The following LINC00305 variants were observed in gnomAD, a reference collection of about 807,000 sequenced individuals.
LINC00305 encodes the protein long intergenic non-protein coding RNA 305.
intron 1 of LINC00305, among the ~76,000 whole-genome samples, chr18:64,146,825 G>T (rs2051500460): frequency 6.6e-6 from 1 of 152,096 alleles, no homozygotes; most frequent in African/African-American, 2.4e-5. Flanking sequence ...AGGACCTAGG[G>T]TAAGAGGGGA....
chr18:64,142,779 C>T (rs2051470336), intron 1 of LINC00305, among the ~76,000 whole-genome samples: 1 of 152,066 alleles, frequency 6.6e-6, no homozygotes, highest in African/African-American at 2.4e-5. Context: ...GAACCTTCTC[C>T]ATGTAGTAGA....
intron 3 of LINC00305, among the ~76,000 whole-genome samples, chr18:64,096,235 T>C (rs190674080): frequency 1.2e-3 from 178 of 152,128 alleles, no homozygotes; most frequent in African/African-American, 4.1e-3. Flanking sequence ...TACTCTTAGA[T>C]ACAAAGACTC....
At chr18:64,136,161 T>A (rs2051432678) in intron 1 of LINC00305, among the ~76,000 whole-genome samples, 1 of 152,198 alleles carries the variant, frequency 6.6e-6, no homozygotes, top group African/African-American at 2.4e-5. Context: ...TTAACTGTAG[T>A]AATGCTAGTT....
chr18:64,085,539 G>A lies in LINC00305; in HGVS notation n.541-5137C>T, dbSNP rs1368484719. Among the ~76,000 whole-genome samples, 8 of 151,426 alleles carry A rather than the reference G, an allele frequency of 5.3e-5. No homozygotes were observed. In the South Asian group the frequency reaches 1.0e-3, roughly 20 times the overall value. The stretch of plus-strand genomic sequence containing the variant: ...GTGCAGTGGCACAATCTCGGCTCAC[G>A]GCAACCTCTGCCTCCCGGGTTCAAG... On this transcript the variant is annotated intron_variant and non_coding_transcript_variant, in intron 3 of 3. Coordinates refer to ENST00000666468, the Ensembl canonical transcript of LINC00305.
At chr18:64,133,807 C>T (rs1016275018) in intron 1 of LINC00305, among the ~76,000 whole-genome samples, 1 of 152,170 alleles carries the variant, frequency 6.6e-6, no homozygotes, top group Non-Finnish European at 1.5e-5. Context: ...TTCAACATGT[C>T]ATTTTCATGG....
intron 1 of LINC00305, among the ~76,000 whole-genome samples, chr18:64,138,970 G>A (rs2051448298): frequency 6.6e-6 from 1 of 152,126 alleles, no homozygotes; most frequent in Non-Finnish European, 1.5e-5. Flanking sequence ...GACGGTATCA[G>A]TAAAAACTGT....
At chr18:64,086,692 A>G (rs2051204902) in intron 3 of LINC00305, among the ~76,000 whole-genome samples, 1 of 152,228 alleles carries the variant, frequency 6.6e-6, no homozygotes, top group African/African-American at 2.4e-5. Flanking sequence ...GGCTTGTTTC[A>G]GGATGGAAGA....
intron 1 of LINC00305, among the ~76,000 whole-genome samples, chr18:64,102,101 G>T (rs142832476): frequency 6.6e-6 from 1 of 152,086 alleles, no homozygotes; most frequent in Non-Finnish European, 1.5e-5. Flanking sequence ...CCCAGTGACC[G>T]CTGTTCATAT....
chr18:64,110,523 C>G (rs1380363037), intron 1 of LINC00305, among the ~76,000 whole-genome samples: 1 of 152,104 alleles, frequency 6.6e-6, no homozygotes, highest in Non-Finnish European at 1.5e-5. Context: ...ATTGGAAAGA[C>G]TTTGGGGGTA....
At chr18:64,103,176 G>A (rs2051274579) in intron 1 of LINC00305, among the ~76,000 whole-genome samples, 1 of 152,144 alleles carries the variant, frequency 6.6e-6, no homozygotes, top group African/African-American at 2.4e-5. Flanking sequence ...TAAAATTGTA[G>A]TATATACATT....
chr18:64,117,281 C>G (rs2051341962), intron 1 of LINC00305, among the ~76,000 whole-genome samples: 1 of 152,180 alleles, frequency 6.6e-6, no homozygotes, highest in East Asian at 1.9e-4. Flanking sequence ...TAGACAGCAA[C>G]TAAGTGACCC....
At chr18:64,082,442 CA>C (rs2051188710) in intron 3 of LINC00305, among the ~76,000 whole-genome samples, 1 of 152,152 alleles carries the variant, frequency 6.6e-6, no homozygotes, top group Non-Finnish European at 1.5e-5. Context: ...ATTTGAGTAA[CA>C]AAACTCCAGT....
rs548023533 is a variant in LINC00305 at position 64,088,508 on chromosome 18, G to T, written n.541-8106C>A. On this transcript the variant is annotated intron_variant and non_coding_transcript_variant, in intron 3 of 3. Transcript: ENST00000666468. ...ATGCACAAAATCCTTGTTGAGGGGTGCCTGCCTTGTCCATGTTCACAGAGT... is the reference window on the plus strand; with the variant it reads ...ATGCACAAAATCCTTGTTGAGGGGTTCCTGCCTTGTCCATGTTCACAGAGT... Among the ~76,000 whole-genome samples the T allele has an allele frequency of 2.0e-4, 30 of 152,352 alleles. No homozygotes were observed. The South Asian group carries it at 6.0e-3, about 30-fold the overall frequency.
chr18:64,114,732 A>G (rs1015867957), intron 1 of LINC00305, among the ~76,000 whole-genome samples: 2 of 152,180 alleles, frequency 1.3e-5, no homozygotes, highest in South Asian at 4.1e-4. Context: ...TATTTTTAGT[A>G]GAGATGGAGT....
In LINC00305 at chr18:64,143,542, T is replaced by C. The variant is rs1244134770; in HGVS notation, n.314+5233A>G. Reference sequence around the variant, plus strand: ...TATACATATTATGTGTACATATATATGTACACATATTATGTGTACATATAT... The same window carrying C: ...TATACATATTATGTGTACATATATACGTACACATATTATGTGTACATATAT... On this transcript the variant is annotated intron_variant and non_coding_transcript_variant, in intron 1 of 3. Transcript: ENST00000666468. Among the ~76,000 whole-genome samples, 3 of 124,088 alleles carry C rather than the reference T, an allele frequency of 2.4e-5. 1 individual carries two copies. The highest frequency in any genetic ancestry group is 4.5e-4 in the East Asian group (2 of 4,434). The allele number at this position is 124,088 out of a possible 152,430, so 81.4% of individuals were successfully genotyped here.
chr18:64,100,144 GT>G (rs947052308), intron 1 of LINC00305, among the ~76,000 whole-genome samples: 26 of 148,784 alleles, frequency 1.7e-4, no homozygotes, highest in Admixed American at 6.1e-4. Flanking sequence ...ATTAAATATT[GT>G]TTTTTTTTTC....
rs183152436 is a variant in LINC00305, at chr18:64,143,695, G to A, written n.314+5080C>T. ...ATACATATGTATGTCCACATATTATGCGTACATGTATGTCCACATATTATG... is the reference window on the plus strand; with the variant it reads ...ATACATATGTATGTCCACATATTATACGTACATGTATGTCCACATATTATG... On this transcript the variant is annotated intron_variant and non_coding_transcript_variant, in intron 1 of 3. Transcript: ENST00000666468. Among the ~76,000 whole-genome samples the A allele has an allele frequency of 4.3e-5, 6 of 139,656 alleles. No homozygotes were observed. The East Asian group carries it at 1.3e-3, about 29-fold the overall frequency. 91.6% of individuals were successfully genotyped at this position (139,656 alleles called of 152,430 possible).
chr18:64,119,609 A>G (rs1477579421), intron 1 of LINC00305, among the ~76,000 whole-genome samples: 1 of 152,116 alleles, frequency 6.6e-6, no homozygotes, highest in East Asian at 1.9e-4. Context: ...ATTTGTCAAC[A>G]ATGCTTTTTC....
chr18:64,123,664 A>G lies in LINC00305; in HGVS notation n.315-25024T>C, dbSNP rs370439496. Among the ~76,000 whole-genome samples the G allele has an allele frequency of 4.6e-5, 7 of 151,906 alleles. 1 individual carries two copies. The highest frequency in any genetic ancestry group is 2.0e-4 in the Admixed American group (3 of 15,226). On this transcript the variant is annotated intron_variant and non_coding_transcript_variant, in intron 1 of 3. Transcript: ENST00000666468. ...TTTCCTTTCACATTTCTATACGTTA[A>G]TGCATTATCATTCAGGGTCCATGTG...
Sources: gnomAD v4.1 joint callset for allele counts (sites outside exome capture counted in the v4.1 genomes callset) on GRCh38, gnomAD v4.1.1 for gene constraint, MANE v1.5 for transcripts, NCBI Gene and HGNC (gene_info 2026-07-23, HGNC 2026-07-21) for gene names.